The following ITM2B variants were observed in gnomAD, a reference collection of about 807,000 sequenced individuals.
The protein encoded by ITM2B is integral membrane protein 2B, also known as ABri/ADan amyloid peptide.
ITM2B carries 11 observed loss-of-function variants against 27.8 expected under a neutral mutation model. That is an observed-to-expected ratio of 0.40 (90% CI 0.25 to 0.66). ITM2B has a LOEUF of 0.66. Among genes scored for constraint, ITM2B ranks in the 30% least tolerant of loss-of-function variants. The pLI is 0.43. For missense variants in ITM2B, 296 were observed against 328.9 expected (o/e 0.90, Z 0.77); for synonymous variants, 114 against 114.3 (o/e 1.00, Z 0.02).
chr13:48,235,850 C>T (rs1376586008), intron 1 of ITM2B, among the ~76,000 whole-genome samples: 3 of 152,210 alleles, frequency 2.0e-5, no homozygotes, highest in Non-Finnish European at 4.4e-5. Flanking sequence ...CAATATCCCG[C>T]AGACCATTGT....
intron 1 of ITM2B, among the ~76,000 whole-genome samples, chr13:48,246,794 G>C (rs1302090856): frequency 6.6e-6 from 1 of 152,068 alleles, no homozygotes; most frequent in Non-Finnish European, 1.5e-5. Context: ...TAAGAGAGAA[G>C]TTGAAAATAC....
chr13:48,236,449 G>A (rs9332249), intron 1 of ITM2B, among the ~76,000 whole-genome samples: 3,729 of 152,184 alleles, frequency 0.025, 142 homozygotes, highest in African/African-American at 0.085. Flanking sequence ...CTGTCTGTAA[G>A]ATGAGAGGGT....
At chr13:48,260,891 A>G (rs994550713) in intron 5 of ITM2B, among the ~76,000 whole-genome samples, 1 of 152,122 alleles carries the variant, frequency 6.6e-6, no homozygotes, top group Non-Finnish European at 1.5e-5. Context: ...CAATACCTTC[A>G]AGTTCATGAA....
chr13:48,254,201 A>G (rs1951772646), intron 2 of ITM2B, among the ~76,000 whole-genome samples: 1 of 152,192 alleles, frequency 6.6e-6, no homozygotes, highest in Admixed American at 6.5e-5. Context: ...TGATTTTACT[A>G]ACCTTTATTT....
Position 48,258,878 on chromosome 13 carries a change from G to A in ITM2B, c.646G>A (p.Gly216Ser). ...TCGCATTGAAAACATTGATCACCTG[G>A]GTTTCTTTATTTATCGACTGTGTCA... is the stretch of plus-strand genomic sequence containing the variant. ...TDRIENIDHL[G>S]FFIYRLCHDK... is the part of the protein sequence containing the mutation. Residue 216 changes from glycine to serine, a missense_variant, in exon 5 of 6, where the codon GGT becomes AGT. Coordinates refer to ENST00000647800, the MANE Select transcript of ITM2B (RefSeq NM_021999.5). 6.2e-7 allele frequency: 1 copy of A among 1,613,230 alleles called. No individual in the cohort carries two copies. Among genetic ancestry groups the A allele is most frequent in the Non-Finnish European group, 8.5e-7 (1 of 1,179,276 alleles).
chr13:48,249,144 C>T (rs1168370903), intron 1 of ITM2B, among the ~76,000 whole-genome samples: 1 of 152,168 alleles, frequency 6.6e-6, no homozygotes, highest in Non-Finnish European at 1.5e-5. Context: ...AATTAGTTTC[C>T]TCATGCCTGT....
intron 1 of ITM2B, among the ~76,000 whole-genome samples, chr13:48,241,319 C>G (rs1474548406): frequency 6.6e-6 from 1 of 152,186 alleles, no homozygotes; most frequent in Non-Finnish European, 1.5e-5. Flanking sequence ...TCAAGTGATT[C>G]TCCTGCCTCA....
chr13:48,233,530 C>G, intron 1 of ITM2B, 53 bp downstream of exon 1: 1 of 1,245,402 alleles, frequency 8.0e-7, no homozygotes, highest in South Asian at 1.4e-5. Flanking sequence ...CCGGGGAGGG[C>G]TGCGCGGACT....
At chr13:48,259,031 C>A in intron 5 of ITM2B, 84 bp downstream of exon 5, 4 of 934,204 alleles carry the variant, frequency 4.3e-6, no homozygotes, top group Non-Finnish European at 6.6e-6. Context: ...TCATTGTTAC[C>A]AATATACCTG....
At chr13:48,240,627 T>A (rs899003225) in intron 1 of ITM2B, among the ~76,000 whole-genome samples, 1 of 152,230 alleles carries the variant, frequency 6.6e-6, no homozygotes. Context: ...ACCCTTAGGA[T>A]TCAGTAGCTG....
Position 48,237,137 on chromosome 13 carries a change from A to T in ITM2B, c.117+3660A>T, listed in dbSNP as rs550696788. Among the ~76,000 whole-genome samples, 3 of 152,112 alleles carry T rather than the reference A, an allele frequency of 2.0e-5. 1 individual carries two copies. The highest frequency in any genetic ancestry group is 7.2e-5 in the African/African-American group (3 of 41,494). On this transcript the variant is annotated intron_variant, in intron 1 of 5. Transcript: ENST00000647800. ...GGTTTTGTTTGTGTGTTTTTTGGGG[A>T]GTGAGGAGAAGGGACATAAAATGCA...
At chr13:48,245,871 T>C (rs1367894477) in intron 1 of ITM2B, among the ~76,000 whole-genome samples, 1 of 151,684 alleles carries the variant, frequency 6.6e-6, no homozygotes, top group African/African-American at 2.4e-5. Context: ...CTCTGTCTCC[T>C]GGGTTCACGC....
chr13:48,239,609 G>C (rs1420601493), intron 1 of ITM2B, among the ~76,000 whole-genome samples: 2 of 152,182 alleles, frequency 1.3e-5, no homozygotes, highest in Non-Finnish European at 2.9e-5. Flanking sequence ...TCCAGCCTGG[G>C]TGACACAGCA....
rs531225767 is a variant in ITM2B at position 48,253,534 on chromosome 13, GT to G, written c.118-273del. On this transcript the variant is annotated intron_variant, in intron 1 of 5. Transcript: ENST00000647800. ...GTGCATGGAAAGTAAAAATTATGGA[GT>G]GTATCATTGCTTGAGGCAGGGTTAG... 7.3e-4 allele frequency among the ~76,000 whole-genome samples: 111 copies of G among 152,272 alleles called. 6 individuals are homozygous for G. The South Asian group carries it at 0.022, about 30-fold the overall frequency.
Position 48,265,672 on chromosome 13 carries a change from C to T in ITM2B, c.*4448C>T, listed in dbSNP as rs1951848510. The T allele has an allele frequency of 6.6e-6, 1 of 152,630 alleles. No homozygotes were observed. Among genetic ancestry groups the T allele is most frequent in the Admixed American group, 6.5e-5 (1 of 15,270 alleles). 9.5% of individuals were successfully genotyped at this position (152,630 alleles called of 1,614,324 possible). On this transcript the variant is annotated 3_prime_UTR_variant, in exon 6 of 6. Transcript: ENST00000647800. ...CACACCCCTCTTTGCTCCTAGTGTC[C>T]TACCACATTGCCTGACTTACTGTTT...
intron 1 of ITM2B, among the ~76,000 whole-genome samples, chr13:48,239,470 A>G (rs531337429): frequency 1.3e-5 from 2 of 152,348 alleles, no homozygotes; most frequent in African/African-American, 4.8e-5. Flanking sequence ...TTCTGTCTCT[A>G]CTAAAACAAA....
chr13:48,247,265 T>C (rs1951729937), intron 1 of ITM2B, among the ~76,000 whole-genome samples: 1 of 152,242 alleles, frequency 6.6e-6, no homozygotes, highest in African/African-American at 2.4e-5. Context: ...TTACCTATGT[T>C]ACCCAGCATG....
Position 48,245,799 on chromosome 13 carries a change from CAG to C in ITM2B, c.118-8006_118-8005del, listed in dbSNP as rs1188550481. Among the ~76,000 whole-genome samples, 9 of 144,956 alleles carry C rather than the reference CAG, an allele frequency of 6.2e-5. No individual in the cohort carries two copies. The East Asian group carries it at 8.2e-4, about 13-fold the overall frequency. On this transcript the variant is annotated intron_variant, in intron 1 of 5. Transcript: ENST00000647800. ...AAGTTCTTTTTTTTTTTTTTCGAGA[CAG>C]AGTCTTTCTCTGTCGCCCAGGCTGG...
rs1463976186 is a variant in ITM2B, at chr13:48,261,138, G to T, written c.716-1G>T. On this transcript the variant is annotated splice_acceptor_variant, in intron 5 of 5. Transcript: ENST00000647800. LOFTEE classifies it high-confidence loss of function. ...AAAAAACTTTTTTCCCTCTCCAACA[G>T]GTATTCAGAAACGTGAAGCCAGCAA... is the stretch of plus-strand genomic sequence containing the variant. The T allele has an allele frequency of 6.2e-7, 1 of 1,609,168 alleles. No homozygotes were observed. The highest frequency in any genetic ancestry group is 1.7e-5 in the Admixed American group (1 of 59,874).
Sources: allele counts gnomAD v4.1 joint callset (sites outside exome capture counted in the v4.1 genomes callset), GRCh38; gene constraint gnomAD v4.1.1; transcripts MANE v1.5; gene names NCBI Gene and HGNC (gene_info 2026-07-23, HGNC 2026-07-21).